The following CA12 variants were observed in gnomAD, a reference collection of about 807,000 sequenced individuals.
The protein encoded by CA12 is carbonic anhydrase 12, also known as carbonate dehydratase XII.
Under a neutral mutation model 46.8 loss-of-function variants are expected in CA12, and 36 were observed. The ratio of observed to expected loss-of-function variants is 0.77; its 90% CI spans 0.59 to 1.02. The LOEUF (loss-of-function observed/expected upper bound fraction) is 1.02, where lower values mean the gene tolerates loss of function less well. Among genes scored for constraint, CA12 ranks in the 50% least tolerant of loss-of-function variants. The pLI is 0.00. For missense variants in CA12, 436 were observed against 451.4 expected (o/e 0.97, Z 0.31); for synonymous variants, 202 against 187.0 (o/e 1.08, Z -0.65).
rs2039543572 is a variant in CA12 at position 63,374,251 on chromosome 15, C to T, written c.106+1407G>A. Among the ~76,000 whole-genome samples, 1 of 152,108 alleles carries T rather than the reference C, an allele frequency of 6.6e-6. No homozygotes were observed. On this transcript the variant is annotated intron_variant, in intron 2 of 10. Transcript: ENST00000178638. The surrounding 1 kb of genome is among the most constrained non-coding windows in gnomAD (Gnocchi z 4.4). ...CTTCTCCACATGCTTTCCTCGAACA[C>T]CACCTTGCTCTTTCTTGCTTCTGCT...
At chr15:63,361,168 G>C (rs566313968) in intron 2 of CA12, among the ~76,000 whole-genome samples, 12 of 152,350 alleles carry the variant, frequency 7.9e-5, no homozygotes, top group Non-Finnish European at 1.5e-4. Context: ...ACAGATGTGA[G>C]GCAGGGAGCT....
At chr15:63,369,778 T>C (rs1390557942) in intron 2 of CA12, among the ~76,000 whole-genome samples, 3 of 152,214 alleles carry the variant, frequency 2.0e-5, no homozygotes, top group Admixed American at 2.0e-4. Flanking sequence ...GTCGCCTGGT[T>C]CTGGGGTCTG....
Position 63,328,571 on chromosome 15 carries a change from T to A in CA12, c.875-441A>T, listed in dbSNP as rs1015307193. Among the ~76,000 whole-genome samples, 4 of 152,098 alleles carry A rather than the reference T, an allele frequency of 2.6e-5. No individual in the cohort carries two copies. Among genetic ancestry groups the A allele is most frequent in the Non-Finnish European group, 5.9e-5 (4 of 68,002 alleles). On this transcript the variant is annotated intron_variant, in intron 8 of 10. Transcript: ENST00000178638. The surrounding 1 kb of genome is among the most constrained non-coding windows in gnomAD (Gnocchi z 5.9). ...GGCTGGTCTTGAACTCCTGACCTCA[T>A]TATCCACCTGCCTTGGCCTTCCAAA...
intron 2 of CA12, among the ~76,000 whole-genome samples, chr15:63,358,293 G>T (rs527467400): frequency 1.3e-5 from 2 of 152,342 alleles, no homozygotes; most frequent in East Asian, 3.9e-4. Context: ...AGGGCCTGGG[G>T]TCAACAAGGC....
At chr15:63,336,384 G>A (rs142776847) in intron 8 of CA12, among the ~76,000 whole-genome samples, 26 of 152,224 alleles carry the variant, frequency 1.7e-4, no homozygotes, top group African/African-American at 6.0e-4. Context: ...ACTTTTGGAT[G>A]TCAGAGTCAA....
At position 63,374,207 on chromosome 15, in the gene CA12, C is replaced by T. The variant is rs537265949; in HGVS notation, c.106+1451G>A. ...AGCCTATCTCTCTGACCTTAGAGCCCGTGACTCCGCTATCAACCCTTCTCC... is the reference window on the plus strand; with the variant it reads ...AGCCTATCTCTCTGACCTTAGAGCCTGTGACTCCGCTATCAACCCTTCTCC... On this transcript the variant is annotated intron_variant, in intron 2 of 10. Coordinates refer to ENST00000178638, the MANE Select transcript of CA12 (RefSeq NM_001218.5). This position sits in a 1 kb window ranked among gnomAD's most constrained non-coding sequence, Gnocchi z 4.4. Among the ~76,000 whole-genome samples the T allele has an allele frequency of 3.9e-5, 6 of 152,252 alleles. No homozygotes were observed. Among genetic ancestry groups the T allele is most frequent in the African/African-American group, 9.6e-5 (4 of 41,538 alleles).
At chr15:63,369,019 C>G (rs1353716023) in intron 2 of CA12, among the ~76,000 whole-genome samples, 1 of 152,174 alleles carries the variant, frequency 6.6e-6, no homozygotes, top group Non-Finnish European at 1.5e-5. Context: ...GTTATGGAAC[C>G]AGATATCTGG....
chr15:63,346,673 G>A lies in CA12; in HGVS notation c.143C>T (p.Pro48Leu), dbSNP rs547471188. The change falls in exon 3 of 11, where the codon CCG (proline) becomes CTG (leucine). Residue 48 changes from proline to leucine, a missense_variant. Physicochemically the swap from Pro to Leu is moderately conservative, Grantham distance 98. Coordinates refer to ENST00000178638, the MANE Select transcript of CA12 (RefSeq NM_001218.5). ...GGACTGCAGCAGGCCCCCACACGAC[G>A]GGTACTTCTTGGACCAGCTATTCTC... is the stretch of plus-strand genomic sequence containing the variant. ...DGENSWSKKY[P>L]SCGGLLQSPI... 141 of 1,614,008 alleles carry A rather than the reference G, an allele frequency of 8.7e-5. No homozygotes were observed. Among genetic ancestry groups the A allele is most frequent in the Non-Finnish European group, 1.1e-4 (128 of 1,180,040 alleles).
rs375552174 is a variant in CA12, at chr15:63,346,446, C to G, written c.286+84G>C. 24 of 1,274,814 alleles carry G rather than the reference C, an allele frequency of 1.9e-5. 1 individual carries two copies. Among genetic ancestry groups the G allele is most frequent in the East Asian group, 1.5e-4 (6 of 41,096 alleles). The allele number at this position is 1,274,814 out of a possible 1,614,324, so 79.0% of individuals were successfully genotyped here. On this transcript the variant is annotated intron_variant, in intron 3 of 10. Coordinates refer to ENST00000178638, the MANE Select transcript of CA12 (RefSeq NM_001218.5). ...CCTCCTGGATGCTTCCACGGAACAC[C>G]TCCCTGCCAGATGGAAAAGGACAGG...
chr15:63,349,381 G>A (rs139862402), intron 2 of CA12, among the ~76,000 whole-genome samples: 108 of 152,306 alleles, frequency 7.1e-4, no homozygotes, highest in African/African-American at 2.4e-3. Flanking sequence ...ACAGGGCACC[G>A]GTGCTCCAGG....
At position 63,359,906 on chromosome 15, in the gene CA12, G is replaced by T. The variant is rs575884426; in HGVS notation, c.107-13197C>A. Among the ~76,000 whole-genome samples, 76 of 152,242 alleles carry T rather than the reference G, an allele frequency of 5.0e-4. No individual in the cohort carries two copies. The South Asian group carries it at 0.016, about 31-fold the overall frequency. ...TCCACAACAGTGCACACCAGATCCA[G>T]ACAGTTCTCTGCTGAAAGTTCTTCA... On this transcript the variant is annotated intron_variant, in intron 2 of 10. Transcript: ENST00000178638.
Position 63,330,624 on chromosome 15 carries a change from A to G in CA12, c.875-2494T>C, listed in dbSNP as rs2038925854. On this transcript the variant is annotated intron_variant, in intron 8 of 10. Transcript: ENST00000178638. The surrounding 1 kb of genome is among the most constrained non-coding windows in gnomAD (Gnocchi z 4.0). ...AGCCCAGTCTGTGGCTGGTGGGGGT[A>G]CCCTTCATGCCTGGTCTTGGGGAGC... Among the ~76,000 whole-genome samples, 1 of 152,154 alleles carries G rather than the reference A, an allele frequency of 6.6e-6. No homozygotes were observed. The highest frequency in any genetic ancestry group is 1.5e-5 in the Non-Finnish European group (1 of 68,018).
chr15:63,364,694 C>A (rs369931016), intron 2 of CA12, among the ~76,000 whole-genome samples: 1 of 152,226 alleles, frequency 6.6e-6, no homozygotes, highest in South Asian at 2.1e-4. Flanking sequence ...CCTGGCCCAT[C>A]GTCCAGGCAC....
chr15:63,355,577 C>T lies in CA12; in HGVS notation c.107-8868G>A, dbSNP rs920652144. On this transcript the variant is annotated intron_variant, in intron 2 of 10. Transcript: ENST00000178638. The surrounding 1 kb of genome is among the most constrained non-coding windows in gnomAD (Gnocchi z 4.1). ...GAAGCGCTGCACTAGACTGTCAGCT[C>T]GCTTTCTGCATGCGTGTACACCTGG... Among the ~76,000 whole-genome samples, 2 of 152,216 alleles carry T rather than the reference C, an allele frequency of 1.3e-5. No individual in the cohort carries two copies. Among genetic ancestry groups the T allele is most frequent in the Non-Finnish European group, 2.9e-5 (2 of 68,030 alleles).
chr15:63,362,483 G>A (rs28443770), intron 2 of CA12, among the ~76,000 whole-genome samples: 10,700 of 152,206 alleles, frequency 0.07, 813 homozygotes, highest in African/African-American at 0.19. Context: ...GTGGTGAGAC[G>A]TGACCAGCAG....
chr15:63,356,110 C>T (rs1462877459), intron 2 of CA12, among the ~76,000 whole-genome samples: 1 of 152,076 alleles, frequency 6.6e-6, no homozygotes, highest in African/African-American at 2.4e-5. Context: ...TAAAAATTGT[C>T]GGCCGGGCAC....
At position 63,321,651 on chromosome 15, in the gene CA12, G is replaced by T. The variant is rs2038792237; in HGVS notation, c.*4634C>A. On this transcript the variant is annotated 3_prime_UTR_variant, in exon 11 of 11. Coordinates refer to ENST00000178638, the MANE Select transcript of CA12 (RefSeq NM_001218.5). The surrounding 1 kb of genome is among the most constrained non-coding windows in gnomAD (Gnocchi z 4.5). The stretch of plus-strand genomic sequence containing the variant: ...TGCCCCAGAGGCCCCGTTTCCTTCC[G>T]GAAGCGAGGCTGCAACTGCTCCAGA... 6.6e-6 allele frequency: 1 copy of T among 152,268 alleles called. No individual in the cohort carries two copies. Among genetic ancestry groups the T allele is most frequent in the African/African-American group, 2.4e-5 (1 of 41,446 alleles). The allele number at this position is 152,268 out of a possible 1,614,324, so 9.4% of individuals were successfully genotyped here. A position where few individuals can be genotyped will look rare whatever the true frequency, so the allele number is the denominator to read the frequency against.
rs562662155 is a variant in CA12 at position 63,363,716 on chromosome 15, A to G, written c.106+11942T>C. ...TAACCCAAGAAGTACCCATGCCATC[A>G]TGGGACAGTTATGTGGCAGGAAACA... On this transcript the variant is annotated intron_variant, in intron 2 of 10. Transcript: ENST00000178638. Among the ~76,000 whole-genome samples, 280 of 152,378 alleles carry G rather than the reference A, an allele frequency of 1.8e-3. 1 individual carries two copies. Among genetic ancestry groups the G allele is most frequent in the Middle Eastern group, 3.4e-3 (1 of 294 alleles).
In CA12 at chr15:63,374,216, G is replaced by T. The variant is rs530332092; in HGVS notation, c.106+1442C>A. Among the ~76,000 whole-genome samples, 1 of 152,006 alleles carries T rather than the reference G, an allele frequency of 6.6e-6. No individual in the cohort carries two copies. Among genetic ancestry groups the T allele is most frequent in the African/African-American group, 2.4e-5 (1 of 41,368 alleles). On this transcript the variant is annotated intron_variant, in intron 2 of 10. Coordinates refer to ENST00000178638, the MANE Select transcript of CA12 (RefSeq NM_001218.5). The surrounding 1 kb of genome is among the most constrained non-coding windows in gnomAD (Gnocchi z 4.4). The stretch of plus-strand genomic sequence containing the variant: ...CTCTGACCTTAGAGCCCGTGACTCC[G>T]CTATCAACCCTTCTCCACATGCTTT...
Sources: allele counts gnomAD v4.1 joint callset (sites outside exome capture counted in the v4.1 genomes callset), GRCh38; gene constraint gnomAD v4.1.1; non-coding constraint Gnocchi (gnomAD v3.1); transcripts MANE v1.5; gene names NCBI Gene and HGNC (gene_info 2026-07-23, HGNC 2026-07-21).